Variants in LRRC9 observed in about 807,000 individuals in gnomAD.
LRRC9 encodes leucine-rich repeat-containing protein 9.
A neutral mutation model predicts 63.2 loss-of-function variants in LRRC9; 122 were observed. That is an observed-to-expected ratio of 1.93 (90% confidence interval 1.67 to 2.24). LRRC9 has a LOEUF of 2.24. Among genes scored for constraint, LRRC9 ranks in the 30% most tolerant of loss-of-function variants. The probability of loss-of-function intolerance (pLI) is 0.00; values close to 1 mark genes in which losing one functional copy is unlikely to be tolerated. For synonymous variants in LRRC9, 366 were observed against 213.1 expected (o/e 1.72, Z -6.25); for missense variants, 1,071 against 627.7 (o/e 1.71, Z -7.55).
At chr14:59,931,424 C>G (rs959371968) in intron 4 of LRRC9, among the ~76,000 whole-genome samples, 195 bp from the exon 5 acceptor site, 1 of 152,010 alleles carries the variant, frequency 6.6e-6, no homozygotes, top group Non-Finnish European at 1.5e-5. Flanking sequence ...TTCCTGTTCC[C>G]TCCTCCAATA....
At chr14:60,052,104 G>C (rs1893939813) in intron 29 of LRRC9, among the ~76,000 whole-genome samples, 1 of 152,200 alleles carries the variant, frequency 6.6e-6, no homozygotes, top group Non-Finnish European at 1.5e-5. Context: ...GCAGACTGCA[G>C]CTGCTTCTAA....
Position 60,004,881 on chromosome 14 carries a change from TAC to T in LRRC9, c.2842+1106_2842+1107del, listed in dbSNP as rs10550604. Among the ~76,000 whole-genome samples, 108,387 of 150,260 alleles carry T rather than the reference TAC, an allele frequency of 0.72. 41,250 individuals carry two copies. The highest frequency in any genetic ancestry group is 0.85 in the Non-Finnish European group (56,957 of 67,252). On this transcript the variant is annotated intron_variant, in intron 21 of 31. Coordinates refer to ENST00000445360, the Ensembl canonical transcript of LRRC9. This position sits in a 1 kb window ranked among gnomAD's most constrained non-coding sequence, Gnocchi z 4.8. ...AAAGAGAAATATGTATATGTGTGTA[TAC>T]ACACACACACACACACACACACTTA...
intron 15 of LRRC9, among the ~76,000 whole-genome samples, chr14:59,979,394 G>A (rs921664412): frequency 2.0e-5 from 3 of 152,122 alleles, no homozygotes; most frequent in African/African-American, 4.8e-5. Context: ...CAAGGCAGGC[G>A]GATCATGAGG....
chr14:60,064,086 C>A (rs1004065997), downstream of LRRC9, among the ~76,000 whole-genome samples: 2 of 152,152 alleles, frequency 1.3e-5, no homozygotes, highest in Non-Finnish European at 2.9e-5. Context: ...TACAGTGATA[C>A]AAGTTTACAA....
In LRRC9 at chr14:60,058,316, C is replaced by T. The variant is rs564923242; in HGVS notation, c.4276+294C>T. ...ACAATTATTTCCTGACATATCTTTT[C>T]AAAGCTTTTATTTCATTTCATGGAT... On this transcript the variant is annotated intron_variant, in intron 31 of 31. Transcript: ENST00000445360. The surrounding 1 kb of genome is among the most constrained non-coding windows in gnomAD (Gnocchi z 4.4). 6.6e-6 allele frequency among the ~76,000 whole-genome samples: 1 copy of T among 152,176 alleles called. No individual in the cohort carries two copies. Among genetic ancestry groups the T allele is most frequent in the East Asian group, 1.9e-4 (1 of 5,186 alleles).
At chr14:59,971,704 A>G (rs924220115) in intron 12 of LRRC9, among the ~76,000 whole-genome samples, 1 of 152,034 alleles carries the variant, frequency 6.6e-6, no homozygotes, top group Non-Finnish European at 1.5e-5. Flanking sequence ...ACATGCTCAA[A>G]GCCTTGGAAT....
intron 7 of LRRC9, among the ~76,000 whole-genome samples, chr14:59,941,923 T>C (rs1881809650): frequency 6.6e-6 from 1 of 152,164 alleles, no homozygotes; most frequent in African/African-American, 2.4e-5. Context: ...GCTGTAATTT[T>C]GTACCCTTAA....
chr14:59,942,194 G>A lies in LRRC9; in HGVS notation c.727-2395G>A, dbSNP rs1381619603. 6.6e-6 allele frequency among the ~76,000 whole-genome samples: 1 copy of A among 152,064 alleles called. No homozygotes were observed. The highest frequency in any genetic ancestry group is 1.5e-5 in the Non-Finnish European group (1 of 67,998). ...TTCCATCATGTGTATACACATATGT[G>A]TGTGTGTAATGTGATATATATATAT... On this transcript the variant is annotated intron_variant, in intron 7 of 31. Transcript: ENST00000445360. The surrounding 1 kb of genome is among the most constrained non-coding windows in gnomAD (Gnocchi z 5.3).
chr14:60,045,936 T>C (rs562348517), intron 29 of LRRC9, among the ~76,000 whole-genome samples: 171 of 152,220 alleles, frequency 1.1e-3, no homozygotes, highest in Middle Eastern at 3.4e-3. Flanking sequence ...CAGCATGTCG[T>C]TTTTTGACTT....
In LRRC9 at chr14:59,942,688, A is replaced by C. The variant is rs2139847239; in HGVS notation, c.727-1901A>C. On this transcript the variant is annotated intron_variant, in intron 7 of 31. Transcript: ENST00000445360. The surrounding 1 kb of genome is among the most constrained non-coding windows in gnomAD (Gnocchi z 5.3). The stretch of plus-strand genomic sequence containing the variant: ...AGTTGCGGTGAGCCGATATCACACC[A>C]CTGCACTTCAGCCTGGGTGACAGAG... Among the ~76,000 whole-genome samples the C allele has an allele frequency of 6.6e-6, 1 of 152,194 alleles. No individual in the cohort carries two copies. Among genetic ancestry groups the C allele is most frequent in the Non-Finnish European group, 1.5e-5 (1 of 67,998 alleles).
At chr14:60,019,417 CATA>C (rs1890943779) in intron 26 of LRRC9, among the ~76,000 whole-genome samples, 157 bp downstream of exon 26, 1 of 151,784 alleles carries the variant, frequency 6.6e-6, no homozygotes, top group Non-Finnish European at 1.5e-5. Context: ...AAATAAACTT[CATA>C]ATAAAAAGGT....
Position 59,930,999 on chromosome 14 carries a change from G to C in LRRC9, c.349G>C (p.Glu117Gln), listed in dbSNP as rs1485481713. 1 of 445,632 alleles carries C rather than the reference G, an allele frequency of 2.2e-6. No individual in the cohort carries two copies. The highest frequency in any genetic ancestry group is 3.6e-5 in the East Asian group (1 of 27,938). The allele number at this position is 445,632 out of a possible 1,614,324, so 27.6% of individuals were successfully genotyped here. Residue 117 changes from glutamate (E) to glutamine (Q), a missense_variant, in exon 4 of 32, where the codon GAG becomes CAG. Glu to Gln is a conservative substitution (Grantham distance 29). Transcript: ENST00000445360. The surrounding 1 kb of genome is among the most constrained non-coding windows in gnomAD (Gnocchi z 4.9). ...TAAAATTTCCAAAATAGAAAATTTAGAGAAATTAATCAAATTGAAGGTTCT... is the reference window on the plus strand; with the variant it reads ...TAAAATTTCCAAAATAGAAAATTTACAGAAATTAATCAAATTGAAGGTTCT...
At chr14:59,968,722 AG>A (rs1381968158) in intron 12 of LRRC9, among the ~76,000 whole-genome samples, 2 of 152,144 alleles carry the variant, frequency 1.3e-5, no homozygotes, top group Non-Finnish European at 2.9e-5. Flanking sequence ...TTATCGGGAG[AG>A]GGTAAGGGAA....
chr14:59,955,406 T>G (rs1883632709), intron 8 of LRRC9, among the ~76,000 whole-genome samples: 2 of 152,236 alleles, frequency 1.3e-5, no homozygotes, highest in Non-Finnish European at 2.9e-5. Flanking sequence ...TTCCATTTCT[T>G]CTAGATTTTC....
At chr14:59,941,209 T>C (rs368757991) in intron 7 of LRRC9, among the ~76,000 whole-genome samples, 2 of 151,922 alleles carry the variant, frequency 1.3e-5, no homozygotes, top group East Asian at 1.9e-4. Flanking sequence ...TTAGAAAAAG[T>C]TGAAACTATG....
chr14:60,022,960 G>A, intron 27 of LRRC9, 90 bp downstream of exon 27: 1 of 419,610 alleles, frequency 2.4e-6, no homozygotes. Context: ...ATAAGCATCA[G>A]TATTTACTCA....
chr14:60,003,742 C>A lies in LRRC9; in HGVS notation c.2786C>A (p.Ser929Tyr), dbSNP rs1383090945. 5.8e-6 allele frequency: 4 copies of A among 688,330 alleles called. No homozygotes were observed. Among genetic ancestry groups the A allele is most frequent in the Non-Finnish European group, 7.9e-6 (3 of 379,826 alleles). The allele number at this position is 688,330 out of a possible 1,614,324, so 42.6% of individuals were successfully genotyped here. ...CTCACTAAAATGGAGGGTCTGGAAT[C>A]CTGTATTAACTTGGAAGAGCTCACA... Residue 929 changes from serine (S) to tyrosine (Y), a missense_variant, in exon 21 of 32, where the codon TCC becomes TAC. Coordinates refer to ENST00000445360, the Ensembl canonical transcript of LRRC9. The surrounding 1 kb of genome is among the most constrained non-coding windows in gnomAD (Gnocchi z 4.2).
intron 23 of LRRC9, among the ~76,000 whole-genome samples, chr14:60,010,576 C>T (rs1388510139): frequency 6.6e-6 from 1 of 152,200 alleles, no homozygotes; most frequent in South Asian, 2.1e-4. Flanking sequence ...TTTGGCACCT[C>T]GTTACTTATG....
intron 13 of LRRC9, 149 bp downstream of exon 13, chr14:59,974,857 A>T (rs1885942328): frequency 2.3e-6 from 1 of 437,452 alleles, no homozygotes; most frequent in Non-Finnish European, 4.0e-6. Flanking sequence ...GTAGTAATAC[A>T]TGACTTTCTC....
Sources: gnomAD v4.1 joint callset for allele counts (sites outside exome capture counted in the v4.1 genomes callset) on GRCh38, gnomAD v4.1.1 for gene constraint, Gnocchi (gnomAD v3.1) non-coding constraint, MANE v1.5 for transcripts, NCBI Gene and HGNC (gene_info 2026-07-23, HGNC 2026-07-21) for gene names.